Variants in ADAM8 observed in about 807,000 individuals in gnomAD.
ADAM8 encodes the protein disintegrin and metalloproteinase domain-containing protein 8.
ADAM8 carries 104 observed loss-of-function variants against 102.4 expected under a neutral mutation model. The observed-to-expected ratio is 1.02, with a 90% CI of 0.87 to 1.20. The LOEUF is 1.20. ADAM8 is among the 50% of genes most tolerant of loss of function. The probability of loss-of-function intolerance (pLI) is 0.00; values close to 1 mark genes in which losing one functional copy is unlikely to be tolerated. For missense variants in ADAM8, 1,132 were observed against 1,159.0 expected, an observed-to-expected ratio of 0.98 and a Z score of 0.34; for synonymous variants, 517 against 485.2, an observed-to-expected ratio of 1.07 and a Z score of -0.86.
intron 19 of ADAM8, 28 bp from the exon 20 acceptor site, chr10:133,268,146 C>T (rs1846389425): frequency 1.6e-6 from 2 of 1,253,960 alleles, no homozygotes; most frequent in African/African-American, 3.1e-5. Flanking sequence ...GGCGCATGGT[C>T]AGTGTCCGGC....
chr10:133,264,342 T>C (rs1450362778), intron 21 of ADAM8, among the ~76,000 whole-genome samples: 1 of 152,220 alleles, frequency 6.6e-6, no homozygotes, highest in African/African-American at 2.4e-5. Flanking sequence ...ATTACAGGCA[T>C]GAGCCAATGC....
rs558767453 is a variant in ADAM8 at position 133,270,302 on chromosome 10, G to A, written c.1785+58C>T. ...AGCTCAGAAACGCATCTGCACCCAC[G>A]TGGGGCACATGCCCGGGATGCCTGG... On this transcript the variant is annotated intron_variant, in intron 16 of 22. Coordinates refer to ENST00000445355, the MANE Select transcript of ADAM8 (RefSeq NM_001109.5). 1.0e-3 allele frequency: 1,614 copies of A among 1,543,698 alleles called. 14 individuals carry two copies. The highest frequency in any genetic ancestry group is 6.3e-3 in the African/African-American group (460 of 73,404).
At chr10:133,266,328 G>A (rs1301292164) in intron 21 of ADAM8, among the ~76,000 whole-genome samples, 2 of 152,162 alleles carry the variant, frequency 1.3e-5, no homozygotes, top group African/African-American at 4.8e-5. Flanking sequence ...GTGGCCATTC[G>A]GGAGCAGGCC....
chr10:133,272,424 C>G lies in ADAM8; in HGVS notation c.867G>C (p.Gln289His), dbSNP rs941913854. The G allele has an allele frequency of 1.3e-6, 2 of 1,590,666 alleles. No individual in the cohort carries two copies. Among genetic ancestry groups the G allele is most frequent in the Non-Finnish European group, 1.7e-6 (2 of 1,169,152 alleles). The stretch of plus-strand genomic sequence containing the variant: ...CCGCTCCGCCAGCTCACGTGATGAG[C>G]TGTACGTTGTCATGCAGGTGCCGCC... ...RTRRHLHDNV[Q>H]LITGVDFTGT... Residue 289 changes from glutamine (Q) to histidine (H), a missense_variant, in exon 9 of 23, where the codon CAG (glutamine) becomes CAC (histidine). By Grantham distance (24) the Gln-to-His change is conservative. Coordinates refer to ENST00000445355, the MANE Select transcript of ADAM8 (RefSeq NM_001109.5).
chr10:133,274,924 G>C (rs747500296), intron 2 of ADAM8: 3 of 425,508 alleles, frequency 7.1e-6, no homozygotes, highest in South Asian at 1.6e-5. Flanking sequence ...CCAGGGCAGC[G>C]GGCAGGTCGG....
chr10:133,269,798 C>T, intron 17 of ADAM8, 99 bp downstream of exon 17: 1 of 1,406,450 alleles, frequency 7.1e-7, no homozygotes, highest in Non-Finnish European at 9.9e-7. Flanking sequence ...GCCAGGCTCC[C>T]CCAGCCTCAG....
chr10:133,269,632 G>C lies in ADAM8; in HGVS notation c.1864-103C>G, dbSNP rs1301057108. Reference sequence around the variant, plus strand: ...GGCCCCGGGCCAGCCCCACCCCCGAGGGCCCCTCGGTCCCTGCCCACATGC... The same window carrying C: ...GGCCCCGGGCCAGCCCCACCCCCGACGGCCCCTCGGTCCCTGCCCACATGC... On this transcript the variant is annotated intron_variant, in intron 17 of 22. Transcript: ENST00000445355. The C allele has an allele frequency of 1.2e-5, 14 of 1,217,224 alleles. No individual in the cohort carries two copies. The East Asian group carries it at 3.1e-4, about 27-fold the overall frequency. 75.4% of individuals were successfully genotyped at this position (1,217,224 alleles called of 1,614,324 possible).
chr10:133,270,306 G>A, intron 16 of ADAM8, 54 bp downstream of exon 16: 2 of 1,546,036 alleles, frequency 1.3e-6, no homozygotes, highest in East Asian at 4.6e-5. Context: ...ACCCACGTGG[G>A]GCACATGCCC....
chr10:133,263,021 T>G lies in ADAM8; in HGVS notation c.*135A>C. The G allele has an allele frequency of 9.3e-7, 1 of 1,078,800 alleles. No homozygotes were observed. The highest frequency in any genetic ancestry group is 1.4e-6 in the Non-Finnish European group (1 of 699,172). The allele number at this position is 1,078,800 out of a possible 1,614,324, so 66.8% of individuals were successfully genotyped here. A position where few individuals can be genotyped will look rare whatever the true frequency, so the allele number is the denominator to read the frequency against. On this transcript the variant is annotated 3_prime_UTR_variant, in exon 23 of 23. Transcript: ENST00000445355. ...GGAGCCTCTCAGGTAGATGCATTCC[T>G]GAGGTTAGAACAGCAGCTGAGCCTG...
chr10:133,268,753 C>G lies in ADAM8; in HGVS notation c.2058G>C (p.Leu686=). 13 of 1,609,908 alleles carry G rather than the reference C, an allele frequency of 8.1e-6. No individual in the cohort carries two copies. The highest frequency in any genetic ancestry group is 1.1e-5 in the Non-Finnish European group (13 of 1,179,622). Residue 686 remains leucine (L), a synonymous_variant, in exon 19 of 23, where the codon CTG becomes CTC. Coordinates refer to ENST00000445355, the MANE Select transcript of ADAM8 (RefSeq NM_001109.5). Reference sequence around the variant, plus strand: ...ACAGCCCCCACCACCCTCACCTGCTCAGGATGCGGCTCCGGGCTTTGCGGT... The same window carrying G: ...ACAGCCCCCACCACCCTCACCTGCTGAGGATGCGGCTCCGGGCTTTGCGGT... ...IVYRKARSRI[L]SRNVAPKTTM...
rs778889738 is a variant in ADAM8 at position 133,270,814 on chromosome 10, C to G, written c.1565-9G>C. 1 of 1,608,268 alleles carries G rather than the reference C, an allele frequency of 6.2e-7. No homozygotes were observed. Among genetic ancestry groups the G allele is most frequent in the African/African-American group, 1.3e-5 (1 of 74,750 alleles). On this transcript the variant is annotated splice_polypyrimidine_tract_variant and intron_variant, in intron 14 of 22. Transcript: ENST00000445355. ...CTCGGCAGCCTGCCCACCTGTGGGA[C>G]CAGAAGCGGGTTAGCCCTGGCAAGG...
At chr10:133,275,384 A>G (rs1846714489) in intron 2 of ADAM8, 100 bp downstream of exon 2, 1 of 871,060 alleles carries the variant, frequency 1.1e-6, no homozygotes, top group Non-Finnish European at 1.8e-6. Context: ...AGCCCCAGAC[A>G]CCCACTGGCC....
chr10:133,263,615 A>AGCGTCAG, intron 22 of ADAM8, 73 bp downstream of exon 22: 3 of 1,446,760 alleles, frequency 2.1e-6, no homozygotes, highest in Non-Finnish European at 2.8e-6. Flanking sequence ...GGGCAGTGCC[A>AGCGTCAG]CCGTCAGCCC....
intron 21 of ADAM8, 135 bp downstream of exon 21, chr10:133,267,217 G>C (rs553418577): frequency 1.0e-6 from 1 of 967,382 alleles, no homozygotes; most frequent in African/African-American, 1.6e-5. Context: ...TCACGAGGTC[G>C]GGCTAACCAG....
At chr10:133,276,579 C>T (rs1215535737) in intron 1 of ADAM8, among the ~76,000 whole-genome samples, 193 bp downstream of exon 1, 1 of 152,216 alleles carries the variant, frequency 6.6e-6, no homozygotes, top group African/African-American at 2.4e-5. Flanking sequence ...TCCGACCTCC[C>T]CGGCCTCCCC....
chr10:133,272,324 T>TTCCCC, intron 9 of ADAM8, 50 bp from the exon 10 acceptor site: 30 of 1,430,402 alleles, frequency 2.1e-5, no homozygotes, highest in Non-Finnish European at 2.4e-5. Context: ...CCTCCCCACT[T>TTCCCC]CCCTCCCACC....
chr10:133,273,429 A>C lies in ADAM8; in HGVS notation c.398T>G (p.Val133Gly). The C allele has an allele frequency of 6.5e-7, 1 of 1,540,660 alleles. No individual in the cohort carries two copies. The highest frequency in any genetic ancestry group is 8.8e-7 in the Non-Finnish European group (1 of 1,140,282). ...TCAGLRGFFQVGSDLHLIEPL... is the reference protein window; with the variant it reads ...TCAGLRGFFQGGSDLHLIEPL... Reference sequence around the variant, plus strand: ...CTCGATCAGGTGCAGGTCTGACCCCACCTGGAAGAAACCCCTGAGGGGAGT... The same window carrying C: ...CTCGATCAGGTGCAGGTCTGACCCCCCCTGGAAGAAACCCCTGAGGGGAGT... Residue 133 changes from valine to glycine, a missense_variant, in exon 6 of 23, where the codon GTG becomes GGG. Physicochemically the swap from Val to Gly is moderately radical, Grantham distance 109 (BLOSUM62 -3). Coordinates refer to ENST00000445355, the MANE Select transcript of ADAM8 (RefSeq NM_001109.5).
intron 19 of ADAM8, 23 bp from the exon 20 acceptor site, chr10:133,268,141 A>G (rs1270112656): frequency 8.0e-7 from 1 of 1,256,098 alleles, no homozygotes; most frequent in East Asian, 3.1e-5. Context: ...CACAGGGCGC[A>G]TGGTCAGTGT....
In ADAM8 at chr10:133,270,908, G is replaced by A. The variant is rs778693757; in HGVS notation, c.1537C>T (p.Gln513Ter). ...GGCCCCCAGAAGGCCTGGCACTGCTGGGCCAGTGTGGGACAGGCCCCGTTG... is the reference window on the plus strand; with the variant it reads ...GGCCCCCAGAAGGCCTGGCACTGCTAGGCCAGTGTGGGACAGGCCCCGTTG... ...CYNGACPTLA[Q>*]QCQAFWGPGG... Residue 513 changes from glutamine (Q) to a stop codon, truncating the protein, a stop_gained, in exon 14 of 23, where the codon CAG becomes TAG. Coordinates refer to ENST00000445355, the MANE Select transcript of ADAM8 (RefSeq NM_001109.5). LOFTEE classifies it high-confidence loss of function. The A allele has an allele frequency of 5.0e-6, 8 of 1,612,218 alleles. No homozygotes were observed. The highest frequency in any genetic ancestry group is 2.7e-5 in the African/African-American group (2 of 75,042).
Sources: gnomAD v4.1 joint callset for allele counts (sites outside exome capture counted in the v4.1 genomes callset) on GRCh38, gnomAD v4.1.1 for gene constraint, MANE v1.5 for transcripts, NCBI Gene and HGNC (gene_info 2026-07-23, HGNC 2026-07-21) for gene names.